Variants in SAAL1 observed in about 807,000 individuals in gnomAD.
The protein encoded by SAAL1 is protein SAAL1.
SAAL1 carries 42 observed loss-of-function variants against 59.8 expected under a neutral mutation model. The observed-to-expected ratio is 0.70, with a 90% confidence interval of 0.55 to 0.91. SAAL1 has a LOEUF of 0.91. SAAL1 is among the 40% of genes least tolerant of loss of function. SAAL1 has a pLI of 0.00. For synonymous variants in SAAL1, 191 were observed against 194.3 expected, an observed-to-expected ratio of 0.98 and a Z score of 0.14; for missense variants, 542 against 561.1, an observed-to-expected ratio of 0.97 and a Z score of 0.34.
intron 10 of SAAL1, 155 bp downstream of exon 10, chr11:18,083,380 T>C: frequency 3.9e-6 from 2 of 518,268 alleles, no homozygotes; most frequent in East Asian, 3.0e-5. Flanking sequence ...CATCAGCTAG[T>C]TGTTTTTAAG....
At chr11:18,102,329 G>A (rs536229855) in intron 2 of SAAL1, among the ~76,000 whole-genome samples, 5 of 151,480 alleles carry the variant, frequency 3.3e-5, no homozygotes, top group Non-Finnish European at 7.4e-5. Context: ...TTGAGCCCTC[G>A]AGGCGGAGAT....
At chr11:18,102,594 A>T (rs1386581419) in intron 2 of SAAL1, among the ~76,000 whole-genome samples, 1 of 152,170 alleles carries the variant, frequency 6.6e-6, no homozygotes, top group African/African-American at 2.4e-5. Context: ...AGAGGACAGA[A>T]GGGAGGTGAA....
Position 18,089,380 on chromosome 11 carries a change from C to A in SAAL1, c.720G>T (p.Gln240His), listed in dbSNP as rs750798827. 1.2e-6 allele frequency: 2 copies of A among 1,600,506 alleles called. No individual in the cohort carries two copies. The highest frequency in any genetic ancestry group is 1.1e-5 in the South Asian group (1 of 88,690). The stretch of plus-strand genomic sequence containing the variant: ...TACAGGGCACAAGCCGAAACACTGG[C>A]TGCTCTTCAGACTCTTCCTGGGGTT... ...LDQPQEESEE[Q>H]PVFRLVPCIL... is the part of the protein sequence containing the mutation. Residue 240 changes from glutamine (Q) to histidine (H), a missense_variant, in exon 7 of 12, where the codon CAG becomes CAT. Coordinates refer to ENST00000524803, the MANE Select transcript of SAAL1 (RefSeq NM_138421.3).
At chr11:18,082,896 G>A (rs2134053879) in intron 10 of SAAL1, among the ~76,000 whole-genome samples, 1 of 152,258 alleles carries the variant, frequency 6.6e-6, no homozygotes, top group Non-Finnish European at 1.5e-5. Flanking sequence ...CCTCCCAAGT[G>A]CTGGGATTAT....
intron 6 of SAAL1, 108 bp downstream of exon 6, chr11:18,090,067 G>C (rs1358447639): frequency 9.8e-7 from 1 of 1,025,490 alleles, no homozygotes; most frequent in African/African-American, 1.7e-5. Flanking sequence ...TCATTACCTT[G>C]CACTCAAGGC....
intron 2 of SAAL1, among the ~76,000 whole-genome samples, chr11:18,099,210 TG>T (rs1848606943): frequency 1.3e-5 from 2 of 152,328 alleles, no homozygotes; most frequent in South Asian, 4.1e-4. Flanking sequence ...CTCCAACTAC[TG>T]GGCTCAAGTG....
intron 3 of SAAL1, chr11:18,093,748 T>C (rs1848546060): frequency 6.6e-6 from 1 of 152,202 alleles, no homozygotes; most frequent in South Asian, 2.1e-4. Context: ...GCTCCAGAGC[T>C]TGAGCATTTA....
chr11:18,099,082 G>A (rs201341955), intron 2 of SAAL1, among the ~76,000 whole-genome samples: 21 of 144,236 alleles, frequency 1.5e-4, no homozygotes, highest in Non-Finnish European at 2.3e-4. Context: ...TTGAACCCAT[G>A]AGTCTGATTT....
At chr11:18,081,373 C>T in intron 11 of SAAL1, 38 bp downstream of exon 11, 1 of 1,422,848 alleles carries the variant, frequency 7.0e-7, no homozygotes, top group Non-Finnish European at 9.8e-7. Context: ...AGTAATCCTA[C>T]AAAACTTGGC....
chr11:18,091,703 ACCACTGGGGTTTCCT>A (rs1280001140), intron 4 of SAAL1, among the ~76,000 whole-genome samples: 2 of 152,352 alleles, frequency 1.3e-5, no homozygotes, highest in Admixed American at 1.3e-4. Flanking sequence ...GAACACAGTA[ACCACTGGGGTTTCCT>A]CCATTAAAAC....
chr11:18,100,971 G>T lies in SAAL1; in HGVS notation c.249+2262C>A, dbSNP rs1427847357. On this transcript the variant is annotated intron_variant, in intron 2 of 11. Coordinates refer to ENST00000524803, the MANE Select transcript of SAAL1 (RefSeq NM_138421.3). ...AAAAGCAGGCAGAAGATTCAAACAG[G>T]TACTTCACCAAAAAAGATACACAGA... Among the ~76,000 whole-genome samples, 3 of 151,982 alleles carry T rather than the reference G, an allele frequency of 2.0e-5. No homozygotes were observed. In the East Asian group the frequency reaches 5.8e-4, roughly 29 times the overall value.
rs536360938 is a variant in SAAL1 at position 18,082,138 on chromosome 11, C to T, written c.1240-635G>A. ...AGCCCACCTTTCTTTGATGTTCCCACCACTTAAAAGTTAAGAAATATCGAT... is the reference window on the plus strand; with the variant it reads ...AGCCCACCTTTCTTTGATGTTCCCATCACTTAAAAGTTAAGAAATATCGAT... On this transcript the variant is annotated intron_variant, in intron 10 of 11. Coordinates refer to ENST00000524803, the MANE Select transcript of SAAL1 (RefSeq NM_138421.3). 5.3e-5 allele frequency among the ~76,000 whole-genome samples: 8 copies of T among 152,274 alleles called. No homozygotes were observed. The South Asian group carries it at 1.7e-3, about 32-fold the overall frequency.
intron 4 of SAAL1, among the ~76,000 whole-genome samples, chr11:18,091,787 A>G (rs1208252624): frequency 3.9e-5 from 6 of 152,022 alleles, no homozygotes; most frequent in African/African-American, 1.4e-4. Context: ...CAGATATCTG[A>G]AAGTCTTTTC....
In SAAL1 at chr11:18,083,481, T is replaced by A. The variant is rs190221084; in HGVS notation, c.1239+54A>T. ...TTAAAAAAAAATAAAGTTTGAAGCG[T>A]TAAGCAACCCACACTTTCTTTTGCT... On this transcript the variant is annotated intron_variant, in intron 10 of 11. Transcript: ENST00000524803. 2.7e-5 allele frequency: 29 copies of A among 1,063,808 alleles called. No homozygotes were observed. The East Asian group carries it at 6.9e-4, about 25-fold the overall frequency. The allele number at this position is 1,063,808 out of a possible 1,614,324, so 65.9% of individuals were successfully genotyped here.
At chr11:18,097,755 C>T (rs939861827) in intron 2 of SAAL1, among the ~76,000 whole-genome samples, 5 of 151,614 alleles carry the variant, frequency 3.3e-5, no homozygotes, top group Non-Finnish European at 7.4e-5. Flanking sequence ...GGGAGGATCA[C>T]TTGAGCCTGG....
intron 9 of SAAL1, among the ~76,000 whole-genome samples, chr11:18,085,194 C>T (rs975490159): frequency 1.1e-4 from 17 of 152,050 alleles, no homozygotes; most frequent in African/African-American, 4.1e-4. Context: ...CTCTAGGCAA[C>T]CCAGAAAGAC....
At chr11:18,088,201 C>T (rs926798845) in intron 7 of SAAL1, among the ~76,000 whole-genome samples, 1 of 152,134 alleles carries the variant, frequency 6.6e-6, no homozygotes, top group Non-Finnish European at 1.5e-5. Context: ...GGTCCATAAG[C>T]TGTACTTTAT....
chr11:18,106,053 G>A lies in SAAL1; in HGVS notation c.-12C>T, dbSNP rs769299484. 5.0e-6 allele frequency: 8 copies of A among 1,595,240 alleles called. No individual in the cohort carries two copies. The highest frequency in any genetic ancestry group is 6.0e-6 in the Non-Finnish European group (7 of 1,176,178). On this transcript the variant is annotated 5_prime_UTR_variant, in exon 1 of 12. In the 5' UTR this introduces an upstream ATG that the reference lacks. Coordinates refer to ENST00000524803, the MANE Select transcript of SAAL1 (RefSeq NM_138421.3). ...GGGTTGCGGTCCATGACTTTGTCGC[G>A]TCCCGCGCTTGAAGGCCGTGCCGGA... is the stretch of plus-strand genomic sequence containing the variant.
chr11:18,098,390 G>A (rs1848599804), intron 2 of SAAL1, among the ~76,000 whole-genome samples: 1 of 152,208 alleles, frequency 6.6e-6, no homozygotes, highest in South Asian at 2.1e-4. Context: ...GGCCCCAAAT[G>A]AGCCAAATCT....
Sources: gnomAD v4.1 joint callset for allele counts (sites outside exome capture counted in the v4.1 genomes callset) on GRCh38, gnomAD v4.1.1 for gene constraint, MANE v1.5 for transcripts, NCBI Gene and HGNC (gene_info 2026-07-23, HGNC 2026-07-21) for gene names.